The following MID1 variants were observed in gnomAD, a reference collection of about 807,000 sequenced individuals.
The protein encoded by MID1 is E3 ubiquitin-protein ligase Midline-1.
MID1 carries 7 observed loss-of-function variants against 40.4 expected under a neutral mutation model. That is an observed-to-expected ratio of 0.17 (90% CI 0.10 to 0.33). The LOEUF (loss-of-function observed/expected upper bound fraction) is 0.33, where lower values mean the gene tolerates loss of function less well. Among genes scored for constraint, MID1 ranks in the 10% least tolerant of loss-of-function variants. The pLI is 1.00. For missense variants in MID1, 367 were observed against 558.5 expected (o/e 0.66, Z 3.46); for synonymous variants, 229 against 221.2 (o/e 1.04, Z -0.31).
At chrX:10,470,686 G>GTTAAT (rs1253469498) in intron 6 of MID1, among the ~76,000 whole-genome samples, 1 of 111,759 alleles carries the variant, frequency 8.9e-6, no homozygotes, top group Non-Finnish European at 1.9e-5. Flanking sequence ...TTGGCATTTG[G>GTTAAT]TTAATTTATC....
At chrX:10,783,392 C>T (rs1346529371) in intron 1 of MID1, among the ~76,000 whole-genome samples, 12 of 111,866 alleles carry the variant, frequency 1.1e-4, no homozygotes, top group African/African-American at 3.9e-4. Context: ...TTACTTCCCT[C>T]CTTGTTTTCC....
intron 1 of MID1, among the ~76,000 whole-genome samples, chrX:10,591,433 CTCTT>C (rs1935296617): frequency 8.9e-6 from 1 of 112,177 alleles, no homozygotes; most frequent in African/African-American, 3.2e-5. Flanking sequence ...TTCCAAGTGA[CTCTT>C]TCTCTTTGAA....
intron 2 of MID1, among the ~76,000 whole-genome samples, chrX:10,565,966 C>T (rs1232449374): frequency 9.0e-6 from 1 of 110,647 alleles, no homozygotes; most frequent in East Asian, 2.8e-4. Context: ...CCCACCACCA[C>T]ACCCGGCTAA....
chrX:10,796,018 G>T (rs1490356951), intron 1 of MID1, among the ~76,000 whole-genome samples: 2 of 111,967 alleles, frequency 1.8e-5, no homozygotes, highest in East Asian at 5.6e-4. Context: ...GGAAGAATGA[G>T]GCTGTAAGTT....
intron 1 of MID1, among the ~76,000 whole-genome samples, chrX:10,738,495 C>G (rs2043501369): frequency 8.9e-6 from 1 of 111,972 alleles, no homozygotes; most frequent in African/African-American, 3.2e-5. Flanking sequence ...TTTCTCTAGG[C>G]AGCCTGTGGG....
chrX:10,671,654 A>G (rs1011383617), intron 1 of MID1, among the ~76,000 whole-genome samples: 3 of 110,502 alleles, frequency 2.7e-5, no homozygotes, highest in Non-Finnish European at 3.8e-5. Flanking sequence ...CAAGTCACAA[A>G]CCTCTTCCTC....
intron 1 of MID1, among the ~76,000 whole-genome samples, chrX:10,715,267 G>A (rs1051625450): frequency 2.5e-4 from 28 of 112,454 alleles, no homozygotes; most frequent in African/African-American, 5.8e-4. Flanking sequence ...CCCGGGAAGC[G>A]CAAGGGGTTG....
chrX:10,775,093 G>C (rs1310875438), intron 1 of MID1, among the ~76,000 whole-genome samples: 3 of 93,481 alleles, frequency 3.2e-5, no homozygotes, highest in African/African-American at 1.2e-4. Context: ...GGAGTGAGGA[G>C]AATGAAAAAG....
At chrX:10,479,049 G>A (rs1358034463) in intron 5 of MID1, among the ~76,000 whole-genome samples, 3 of 112,138 alleles carry the variant, frequency 2.7e-5, no homozygotes, top group Non-Finnish European at 5.6e-5. Context: ...GGGCTAGACT[G>A]ACATGTTGAA....
At chrX:10,729,759 G>A (rs1264704007) in intron 1 of MID1, among the ~76,000 whole-genome samples, 1 of 111,833 alleles carries the variant, frequency 8.9e-6, no homozygotes, top group Non-Finnish European at 1.9e-5. Flanking sequence ...TCTAGAAATG[G>A]TACTTTAGAG....
intron 5 of MID1, among the ~76,000 whole-genome samples, chrX:10,478,491 C>T: frequency 8.9e-6 from 1 of 112,088 alleles, no homozygotes; most frequent in Admixed American, 9.5e-5. Flanking sequence ...CACTCATTCA[C>T]TCATGTCAGG....
chrX:10,663,678 T>C (rs944590169), intron 1 of MID1, among the ~76,000 whole-genome samples: 1 of 110,949 alleles, frequency 9.0e-6, no homozygotes, highest in Admixed American at 9.6e-5. Flanking sequence ...TGGACCTCTT[T>C]GGAATTAGCT....
At chrX:10,589,960 C>T (rs1417610460) in intron 1 of MID1, 1 of 109,530 alleles carries the variant, frequency 9.1e-6, no homozygotes, top group Non-Finnish European at 1.9e-5. Context: ...GAGCCGAGCT[C>T]CCCGAGTGAG....
intron 1 of MID1, among the ~76,000 whole-genome samples, chrX:10,751,408 G>C (rs2147114748): frequency 8.9e-6 from 1 of 111,788 alleles, no homozygotes; most frequent in Non-Finnish European, 1.9e-5. Context: ...GGGAGGTCGA[G>C]GTGGGCAGGT....
intron 1 of MID1, among the ~76,000 whole-genome samples, chrX:10,568,839 C>G (rs1934645318): frequency 8.9e-6 from 1 of 111,871 alleles, no homozygotes; most frequent in African/African-American, 3.3e-5. Flanking sequence ...GGCCTGGGAA[C>G]CAAGCCGCTT....
chrX:10,800,084 C>T (rs1481465390), intron 1 of MID1, among the ~76,000 whole-genome samples: 1 of 111,370 alleles, frequency 9.0e-6, no homozygotes, highest in Non-Finnish European at 1.9e-5. Flanking sequence ...TATTTCCCTC[C>T]CCTTAAGTAA....
chrX:10,608,635 T>A (rs1935669724), intron 1 of MID1, among the ~76,000 whole-genome samples: 1 of 111,646 alleles, frequency 9.0e-6, no homozygotes. Flanking sequence ...TTTTTGCAAC[T>A]TCCTATGGAT....
At chrX:10,631,671 T>C (rs1936053692) in intron 1 of MID1, among the ~76,000 whole-genome samples, 1 of 112,484 alleles carries the variant, frequency 8.9e-6, no homozygotes, top group Non-Finnish European at 1.9e-5. Flanking sequence ...GTGCATTGCT[T>C]TCTCCAGCTC....
intron 1 of MID1, among the ~76,000 whole-genome samples, chrX:10,665,934 G>A (rs1227698461): frequency 8.2e-5 from 9 of 109,680 alleles, no homozygotes; most frequent in Non-Finnish European, 5.7e-5. Context: ...AGCTAGGTCA[G>A]TACAAAGCCA....
Sources: gnomAD v4.1 joint callset for allele counts (sites outside exome capture counted in the v4.1 genomes callset) on GRCh38, gnomAD v4.1.1 for gene constraint, MANE v1.5 for transcripts, NCBI Gene and HGNC (gene_info 2026-07-23, HGNC 2026-07-21) for gene names.